The following CYYR1 variants were observed in gnomAD, a reference collection of about 807,000 sequenced individuals.
CYYR1 encodes the protein cysteine and tyrosine-rich protein 1.
CYYR1 carries 14 observed loss-of-function variants against 15.2 expected under a neutral mutation model. That is an observed-to-expected ratio of 0.92 (90% CI 0.61 to 1.44). The LOEUF is 1.44. Ranked by LOEUF, CYYR1 falls within the 40% of genes most tolerant of loss-of-function variation. The pLI, the probability that CYYR1 is intolerant of heterozygous loss-of-function variation, is 0.00. For synonymous variants in CYYR1, 80 were observed against 77.4 expected (o/e 1.03, Z -0.18); for missense variants, 228 against 209.5 (o/e 1.09, Z -0.54).
chr21:26,549,151 G>A (rs1006818724), intron 2 of CYYR1, among the ~76,000 whole-genome samples: 1 of 152,074 alleles, frequency 6.6e-6, no homozygotes, highest in Non-Finnish European at 1.5e-5. Context: ...CTGAAAAATA[G>A]AGCAGGTTTT....
intron 2 of CYYR1, among the ~76,000 whole-genome samples, chr21:26,486,245 G>A (rs116034149): frequency 1.1e-3 from 168 of 152,024 alleles, no homozygotes; most frequent in South Asian, 7.9e-3. Context: ...CAACAGGGTC[G>A]TTCACAGAAC....
At chr21:26,524,189 T>C (rs17625283) in intron 2 of CYYR1, among the ~76,000 whole-genome samples, 5,338 of 152,278 alleles carry the variant, frequency 0.035, 163 homozygotes, top group South Asian at 0.15. Flanking sequence ...GCTCGAACCA[T>C]GTAGGTATAT....
chr21:26,547,580 A>C, intron 2 of CYYR1, among the ~76,000 whole-genome samples: 1 of 152,246 alleles, frequency 6.6e-6, no homozygotes, highest in Non-Finnish European at 1.5e-5. Flanking sequence ...CTGTACCCCA[A>C]TGTGTGGTGG....
At chr21:26,525,240 A>G (rs994634653) in intron 2 of CYYR1, among the ~76,000 whole-genome samples, 4 of 151,452 alleles carry the variant, frequency 2.6e-5, no homozygotes, top group African/African-American at 9.7e-5. Context: ...TTGCTCTTTC[A>G]AATTTTTTTC....
chr21:26,529,257 T>C (rs2065900658), intron 2 of CYYR1, among the ~76,000 whole-genome samples: 2 of 152,220 alleles, frequency 1.3e-5, no homozygotes, highest in African/African-American at 4.8e-5. Flanking sequence ...GTTTATCACA[T>C]TAGATAATCT....
At position 26,468,252 on chromosome 21, in the gene CYYR1, A is replaced by C; in HGVS notation, c.*249T>G. 1 of 500,158 alleles carries C rather than the reference A, an allele frequency of 2.0e-6. No homozygotes were observed. The highest frequency in any genetic ancestry group is 3.6e-6 in the Non-Finnish European group (1 of 274,440). The allele number at this position is 500,158 out of a possible 1,614,324, so 31.0% of individuals were successfully genotyped here. A position where few individuals can be genotyped will look rare whatever the true frequency, so the allele number is the denominator to read the frequency against. On this transcript the variant is annotated 3_prime_UTR_variant, in exon 4 of 4. Coordinates refer to ENST00000652641, the MANE Select transcript of CYYR1 (RefSeq NM_001320768.2). The stretch of plus-strand genomic sequence containing the variant: ...TTGTCAATTACATTACTCTTCCCTG[A>C]ATGTGCTTAGGTGGATCAGCAGATC...
chr21:26,517,539 C>T lies in CYYR1; in HGVS notation c.177-37110G>A, dbSNP rs192745363. ...ACTTCCTGGAATGGGGAGGAGAATTCCAAAATTCAAGAGAGCCCAGACAGT... is the reference window on the plus strand; with the variant it reads ...ACTTCCTGGAATGGGGAGGAGAATTTCAAAATTCAAGAGAGCCCAGACAGT... On this transcript the variant is annotated intron_variant, in intron 2 of 3. Transcript: ENST00000652641. 2.0e-5 allele frequency among the ~76,000 whole-genome samples: 3 copies of T among 152,214 alleles called. No homozygotes were observed. The East Asian group carries it at 5.8e-4, about 29-fold the overall frequency.
rs1341710212 is a variant in CYYR1 at position 26,573,125 on chromosome 21, G to A, written c.-185C>T. 2.0e-6 allele frequency: 3 copies of A among 1,503,430 alleles called. No homozygotes were observed. Among genetic ancestry groups the A allele is most frequent in the Non-Finnish European group, 2.7e-6 (3 of 1,131,596 alleles). The allele number at this position is 1,503,430 out of a possible 1,614,324, so 93.1% of individuals were successfully genotyped here. ...GGGCGCGTCCCGGGCCAGCGACTGC[G>A]GGACTCCGCGGAGCTGGGGCGCCCG... On this transcript the variant is annotated 5_prime_UTR_variant, in exon 1 of 4. Transcript: ENST00000652641.
At chr21:26,561,704 C>T (rs971223003) in intron 2 of CYYR1, among the ~76,000 whole-genome samples, 6 of 152,086 alleles carry the variant, frequency 3.9e-5, no homozygotes, top group Non-Finnish European at 8.8e-5. Context: ...TTTACAATGG[C>T]AAAGTGGAAA....
At chr21:26,507,096 G>A (rs147789184) in intron 2 of CYYR1, among the ~76,000 whole-genome samples, 28 of 152,146 alleles carry the variant, frequency 1.8e-4, no homozygotes, top group African/African-American at 6.7e-4. Context: ...TATGCTCAAG[G>A]GTTCATTTTA....
chr21:26,472,394 A>AT (rs1753901788), intron 3 of CYYR1, among the ~76,000 whole-genome samples: 1 of 152,090 alleles, frequency 6.6e-6, no homozygotes, highest in Non-Finnish European at 1.5e-5. Context: ...TAACACATAC[A>AT]TTTTATTGCT....
chr21:26,515,984 A>C (rs1416304259), intron 2 of CYYR1, among the ~76,000 whole-genome samples: 1 of 152,202 alleles, frequency 6.6e-6, no homozygotes, highest in Non-Finnish European at 1.5e-5. Context: ...AGAATGAAGC[A>C]GTTGTATGAA....
At chr21:26,547,602 T>C (rs945461212) in intron 2 of CYYR1, among the ~76,000 whole-genome samples, 21 of 152,274 alleles carry the variant, frequency 1.4e-4, no homozygotes, top group African/African-American at 4.6e-4. Flanking sequence ...GCAACCACTC[T>C]ATGATTCTCT....
At chr21:26,520,691 C>A (rs192045693) in intron 2 of CYYR1, among the ~76,000 whole-genome samples, 22 of 152,286 alleles carry the variant, frequency 1.4e-4, no homozygotes, top group African/African-American at 5.3e-4. Flanking sequence ...TTTACATTCC[C>A]ACCAACAGTG....
chr21:26,492,917 T>G (rs552817279), intron 2 of CYYR1, among the ~76,000 whole-genome samples: 3 of 152,074 alleles, frequency 2.0e-5, no homozygotes, highest in Non-Finnish European at 4.4e-5. Context: ...ATCTATCATA[T>G]ATGTTAGCAT....
At chr21:26,479,518 G>A (rs887246484) in intron 3 of CYYR1, among the ~76,000 whole-genome samples, 1 of 152,118 alleles carries the variant, frequency 6.6e-6, no homozygotes, top group African/African-American at 2.4e-5. Context: ...GATTGACTTA[G>A]AAAGCATTAT....
intron 2 of CYYR1, among the ~76,000 whole-genome samples, chr21:26,526,266 G>C (rs891872754): frequency 1.3e-5 from 2 of 152,076 alleles, no homozygotes; most frequent in Non-Finnish European, 2.9e-5. Flanking sequence ...TGGCCAACAT[G>C]GTGAAATCCC....
intron 2 of CYYR1, among the ~76,000 whole-genome samples, chr21:26,562,799 A>ATCACACACACACAC (rs1980321214): frequency 7.5e-6 from 1 of 132,492 alleles, no homozygotes; most frequent in Non-Finnish European, 1.6e-5. Flanking sequence ...GACATACACA[A>ATCACACACACACAC]ACACACACAC....
chr21:26,526,946 G>T (rs544035376), intron 2 of CYYR1, among the ~76,000 whole-genome samples: 74 of 152,194 alleles, frequency 4.9e-4, no homozygotes, highest in Admixed American at 1.8e-3. Flanking sequence ...CTATGGTCTT[G>T]TTAATTGTCA....
Sources: allele counts gnomAD v4.1 joint callset (sites outside exome capture counted in the v4.1 genomes callset), GRCh38; gene constraint gnomAD v4.1.1; transcripts MANE v1.5; gene names NCBI Gene and HGNC (gene_info 2026-07-23, HGNC 2026-07-21).